ZNF432: variants seen among roughly 807,000 people sequenced by gnomAD.
ZNF432 encodes the protein zinc finger protein 432.
ZNF432 carries 10 observed loss-of-function variants against 13.9 expected under a neutral mutation model. That is an observed-to-expected ratio of 0.72 (90% confidence interval 0.44 to 1.22). The LOEUF is 1.22. Among genes scored for constraint, ZNF432 ranks in the 50% most tolerant of loss-of-function variants. The pLI is 0.00. For synonymous variants in ZNF432, 247 were observed against 256.2 expected (o/e 0.96, Z 0.34); for missense variants, 793 against 796.2 (o/e 1.00, Z 0.05).
intron 1 of ZNF432, among the ~76,000 whole-genome samples, chr19:52,047,983 A>C (rs986962407): frequency 6.6e-6 from 1 of 151,984 alleles, no homozygotes; most frequent in Non-Finnish European, 1.5e-5. Context: ...CCCCCAAAAA[A>C]CTTTCATTTT....
At position 52,034,762 on chromosome 19, in the gene ZNF432, A is replaced by G; in HGVS notation, c.917T>C (p.Val306Ala). ...CTCTCCAGTATGATTTCGCTGATGTACAATGAGATTACGCTTGCCTGGGAA... is the reference window on the plus strand; with the variant it reads ...CTCTCCAGTATGATTTCGCTGATGTGCAATGAGATTACGCTTGCCTGGGAA... Reference protein sequence around the residue: ...KGFPGKRNLIVHQRNHTGEKS... With the variant: ...KGFPGKRNLIAHQRNHTGEKS... The change falls in exon 5 of 5, where the codon GTA becomes GCA. Residue 306 changes from valine (V) to alanine (A), a missense_variant. Val to Ala is a moderately conservative substitution (Grantham distance 64). Coordinates refer to ENST00000221315, the MANE Select transcript of ZNF432 (RefSeq NM_014650.4). 2 of 1,612,906 alleles carry G rather than the reference A, an allele frequency of 1.2e-6. No homozygotes were observed. The highest frequency in any genetic ancestry group is 2.2e-5 in the South Asian group (2 of 90,834).
In ZNF432 at chr19:52,035,001, AACTCTCTCATGATCAGTGAGCTG is replaced by A; in HGVS notation, c.655_677del (p.Gln219SerfsTer24). 1 of 1,614,110 alleles carries A rather than the reference AACTCTCTCATGATCAGTGAGCTG, an allele frequency of 6.2e-7. No homozygotes were observed. The highest frequency in any genetic ancestry group is 8.5e-7 in the Non-Finnish European group (1 of 1,180,008). On this transcript the variant is annotated frameshift_variant, in exon 5 of 5. Coordinates refer to ENST00000221315, the MANE Select transcript of ZNF432 (RefSeq NM_014650.4). LOFTEE classifies it low-confidence loss of function (END_TRUNC). Reference sequence around the variant, plus strand: ...ATCCATAAGGTTTTTCTCCTGTATGAACTCTCTCATGATCAGTGAGCTGAGACTTCTTGACAAACGCTTTCCCA... The same window carrying A: ...ATCCATAAGGTTTTTCTCCTGTATGAAGACTTCTTGACAAACGCTTTCCCA...
chr19:52,042,390 A>G (rs534524290), intron 2 of ZNF432, among the ~76,000 whole-genome samples: 9 of 152,176 alleles, frequency 5.9e-5, no homozygotes, highest in African/African-American at 2.2e-4. Context: ...CTCTACCAAA[A>G]AGACAAAAAT....
At position 52,035,093 on chromosome 19, in the gene ZNF432, G is replaced by T; in HGVS notation, c.586C>A (p.Gln196Lys). ...NSTKSQVSKH[Q>K]RTHEIEKNHV... ...TTTTTTTCTATTTCATGAGTTCTCT[G>T]ATGCTTACTGACTTGGGATTTAGTG... Residue 196 changes from glutamine to lysine, a missense_variant, in exon 5 of 5, where the codon CAG becomes AAG. By Grantham distance (53) the Gln-to-Lys change is moderately conservative (BLOSUM62 1). Transcript: ENST00000221315. The T allele has an allele frequency of 6.2e-7, 1 of 1,613,998 alleles. No homozygotes were observed. Among genetic ancestry groups the T allele is most frequent in the Non-Finnish European group, 8.5e-7 (1 of 1,180,018 alleles).
intron 2 of ZNF432, among the ~76,000 whole-genome samples, chr19:52,043,782 G>T (rs1021310660): frequency 6.6e-6 from 1 of 152,212 alleles, no homozygotes; most frequent in Non-Finnish European, 1.5e-5. Context: ...ATGTGTATGC[G>T]TATCTAAAAG....
intron 4 of ZNF432, among the ~76,000 whole-genome samples, chr19:52,037,726 G>A (rs1356176260): frequency 6.7e-6 from 1 of 149,930 alleles, no homozygotes; most frequent in African/African-American, 2.5e-5. Context: ...GGAGGTTGAG[G>A]CTGCAGTGAG....
chr19:52,040,145 AG>A (rs1207026467), intron 4 of ZNF432, among the ~76,000 whole-genome samples: 1 of 152,250 alleles, frequency 6.6e-6, no homozygotes, highest in Non-Finnish European at 1.5e-5. Flanking sequence ...AAATGTACAA[AG>A]GAAGTACTCT....
In ZNF432 at chr19:52,033,571, T is replaced by C. The variant is rs1006836301; in HGVS notation, c.*149A>G. 36 of 861,566 alleles carry C rather than the reference T, an allele frequency of 4.2e-5. No individual in the cohort carries two copies. The highest frequency in any genetic ancestry group is 5.8e-5 in the Non-Finnish European group (34 of 582,214). 53.4% of individuals were successfully genotyped at this position (861,566 alleles called of 1,614,324 possible). The stretch of plus-strand genomic sequence containing the variant: ...AATTCATGTTGAAGCCTTTCTGACA[T>C]TGATAGCATTCATCCTAGTGAATAA... On this transcript the variant is annotated 3_prime_UTR_variant, in exon 5 of 5. Transcript: ENST00000221315.
rs1450004660 is a variant in ZNF432 at position 52,041,633 on chromosome 19, T to G, written c.16-27A>C. The G allele has an allele frequency of 1.9e-6, 3 of 1,613,724 alleles. No homozygotes were observed. In the African/African-American group the frequency reaches 4.0e-5, roughly 22 times the overall value. On this transcript the variant is annotated intron_variant, in intron 2 of 4. Transcript: ENST00000221315. ...TGTAAGAAAACAGAGCCTTGCTTAA[T>G]AGGAAGTGTTTCTCTTTTACTGACA...
chr19:52,036,044 C>T (rs1159147230), intron 4 of ZNF432, among the ~76,000 whole-genome samples: 1 of 152,298 alleles, frequency 6.6e-6, no homozygotes, highest in South Asian at 2.1e-4. Context: ...CAGTAAAATA[C>T]AAGCAAGTCA....
At chr19:52,040,464 C>T (rs368640077) in intron 4 of ZNF432, 24 bp downstream of exon 4, 53 of 1,594,900 alleles carry the variant, frequency 3.3e-5, no homozygotes, top group South Asian at 1.3e-4. Flanking sequence ...ATATTACTTA[C>T]GCATCTTGCT....
At chr19:52,040,300 G>T (rs1457488720) in intron 4 of ZNF432, 188 bp downstream of exon 4, 3 of 614,312 alleles carry the variant, frequency 4.9e-6, no homozygotes, top group Admixed American at 5.2e-5. Context: ...TACAACACCA[G>T]CACAGACAGG....
chr19:52,048,359 C>T (rs999691861), intron 1 of ZNF432, among the ~76,000 whole-genome samples: 2 of 152,122 alleles, frequency 1.3e-5, no homozygotes, highest in African/African-American at 4.8e-5. Flanking sequence ...AAACAGAAGT[C>T]ACATTCGTTG....
At chr19:52,048,148 C>CAA (rs2123166241) in intron 1 of ZNF432, among the ~76,000 whole-genome samples, 1 of 143,118 alleles carries the variant, frequency 7.0e-6, no homozygotes, top group South Asian at 2.2e-4. Flanking sequence ...CACACACACA[C>CAA]ACACACACAC....
rs1555777378 is a variant in ZNF432 at position 52,045,372 on chromosome 19, T to TTC, written c.15+1481_15+1482insGA. On this transcript the variant is annotated intron_variant, in intron 2 of 4. Coordinates refer to ENST00000221315, the MANE Select transcript of ZNF432 (RefSeq NM_014650.4). Reference sequence around the variant, plus strand: ...TTTACCTTTTTTTTTTTTTTTTTTTTCGAGACGGAGTTTCGCTCTTGTTGC... The same window carrying TTC: ...TTTACCTTTTTTTTTTTTTTTTTTTTTCCGAGACGGAGTTTCGCTCTTGTTGC... 1.2e-3 allele frequency among the ~76,000 whole-genome samples: 171 copies of TTC among 142,774 alleles called. 1 individual carries two copies. The highest frequency in any genetic ancestry group is 3.6e-3 in the African/African-American group (134 of 37,596). The allele number at this position is 142,774 out of a possible 152,430, so 93.7% of individuals were successfully genotyped here. A position where few individuals can be genotyped will look rare whatever the true frequency, so the allele number is the denominator to read the frequency against.
intron 2 of ZNF432, among the ~76,000 whole-genome samples, chr19:52,042,111 A>G (rs1171883720): frequency 1.3e-5 from 2 of 152,232 alleles, no homozygotes; most frequent in Admixed American, 6.5e-5. Flanking sequence ...GGAAACATAC[A>G]TTAAATATAT....
At chr19:52,047,103 C>T (rs1018012759) in intron 1 of ZNF432, 43 bp from the exon 2 acceptor site, 5 of 450,734 alleles carry the variant, frequency 1.1e-5, no homozygotes, top group South Asian at 5.9e-5. Flanking sequence ...CACCTTAACA[C>T]GTGGCCCTGA....
At chr19:52,042,415 GGC>G (rs2087145283) in intron 2 of ZNF432, among the ~76,000 whole-genome samples, 1 of 152,100 alleles carries the variant, frequency 6.6e-6, no homozygotes, top group Admixed American at 6.6e-5. Context: ...CAGGTGCGGT[GGC>G]ACACACCTGT....
chr19:52,037,301 C>G (rs116711882), intron 4 of ZNF432, among the ~76,000 whole-genome samples: 1,765 of 152,256 alleles, frequency 0.012, 35 homozygotes, highest in African/African-American at 0.041. Context: ...GTTTAATGAA[C>G]AACTCCTATA....
Sources: allele counts gnomAD v4.1 joint callset (sites outside exome capture counted in the v4.1 genomes callset), GRCh38; gene constraint gnomAD v4.1.1; transcripts MANE v1.5; gene names NCBI Gene and HGNC (gene_info 2026-07-23, HGNC 2026-07-21).